The following CNTN4 variants were observed in gnomAD, a reference collection of about 807,000 sequenced individuals.
The protein encoded by CNTN4 is contactin 4.
In CNTN4, 77 loss-of-function variants were observed where a neutral mutation model predicts 122.5. The observed-to-expected ratio is 0.63, with a 90% CI of 0.52 to 0.76. CNTN4 has a LOEUF of 0.76. CNTN4 is among the 30% of genes least tolerant of loss of function. CNTN4 has a pLI of 0.00. For synonymous variants in CNTN4, 512 were observed against 447.0 expected (o/e 1.15, Z -1.83); for missense variants, 1,256 against 1,259.1 (o/e 1.00, Z 0.04).
chr3:2,675,558 A>C (rs950567432), intron 4 of CNTN4, among the ~76,000 whole-genome samples: 6 of 152,166 alleles, frequency 3.9e-5, no homozygotes, highest in African/African-American at 1.2e-4. Flanking sequence ...CCACCTTCCC[A>C]AGAATGAAAG....
intron 14 of CNTN4, among the ~76,000 whole-genome samples, chr3:3,007,230 T>G (rs958157256): frequency 6.6e-6 from 1 of 152,238 alleles, no homozygotes; most frequent in Non-Finnish European, 1.5e-5. Context: ...TGTTGTGTAC[T>G]AGGTATTTGA....
intron 4 of CNTN4, among the ~76,000 whole-genome samples, chr3:2,606,298 C>T (rs2081257356): frequency 6.6e-6 from 1 of 151,870 alleles, no homozygotes. Flanking sequence ...TTGTCTTTGA[C>T]ACAGGGAGGA....
chr3:2,194,750 T>C (rs1217389997), intron 2 of CNTN4, among the ~76,000 whole-genome samples: 2 of 152,096 alleles, frequency 1.3e-5, no homozygotes, highest in Non-Finnish European at 2.9e-5. Flanking sequence ...GAGGCAGATA[T>C]TGGAGTTATG....
intron 2 of CNTN4, among the ~76,000 whole-genome samples, chr3:2,315,682 T>A (rs2043073695): frequency 6.6e-6 from 1 of 152,002 alleles, no homozygotes; most frequent in Non-Finnish European, 1.5e-5. Flanking sequence ...CTAGATAAAT[T>A]TATGCGTCCT....
intron 3 of CNTN4, among the ~76,000 whole-genome samples, chr3:2,383,628 C>G (rs1232468530): frequency 1.3e-5 from 2 of 151,196 alleles, no homozygotes; most frequent in African/African-American, 4.9e-5. Flanking sequence ...TCCCTCTCTC[C>G]CCCTCTCCCT....
intron 13 of CNTN4, among the ~76,000 whole-genome samples, chr3:2,931,873 C>A (rs1319192381): frequency 6.6e-6 from 1 of 152,104 alleles, no homozygotes; most frequent in African/African-American, 2.4e-5. Flanking sequence ...GTCTTGAATT[C>A]CTGGCCTTAA....
intron 6 of CNTN4, among the ~76,000 whole-genome samples, chr3:2,776,425 A>T (rs974480177): frequency 2.0e-5 from 3 of 152,082 alleles, no homozygotes; most frequent in African/African-American, 7.2e-5. Context: ...TCTCAGGGCC[A>T]TCTCCTCTGA....
At chr3:2,755,905 A>T (rs1345514080) in intron 6 of CNTN4, among the ~76,000 whole-genome samples, 1 of 152,234 alleles carries the variant, frequency 6.6e-6, no homozygotes, top group Non-Finnish European at 1.5e-5. Flanking sequence ...GTACTAAAAT[A>T]TCACTCCTTT....
At chr3:2,150,998 G>A (rs1276216978) in intron 2 of CNTN4, among the ~76,000 whole-genome samples, 2 of 152,170 alleles carry the variant, frequency 1.3e-5, no homozygotes, top group African/African-American at 4.8e-5. Context: ...ATACAGGGAT[G>A]AGCAAAATGG....
chr3:2,504,052 A>G (rs1037670243), intron 3 of CNTN4, among the ~76,000 whole-genome samples: 1 of 152,086 alleles, frequency 6.6e-6, no homozygotes, highest in African/African-American at 2.4e-5. Flanking sequence ...AAATGCTAGA[A>G]CAAAATAGAA....
chr3:2,458,531 C>A (rs1449682985), intron 3 of CNTN4, among the ~76,000 whole-genome samples: 1 of 152,080 alleles, frequency 6.6e-6, no homozygotes, highest in Non-Finnish European at 1.5e-5. Flanking sequence ...TCTATTTATT[C>A]CCTCTTATGA....
chr3:2,370,094 G>GA (rs898634727), intron 3 of CNTN4, among the ~76,000 whole-genome samples: 1 of 152,058 alleles, frequency 6.6e-6, no homozygotes, highest in African/African-American at 2.4e-5. Context: ...AAAATTTGGG[G>GA]AAAAAATATT....
intron 3 of CNTN4, among the ~76,000 whole-genome samples, chr3:2,503,843 G>C (rs1040849943): frequency 2.0e-5 from 3 of 152,004 alleles, no homozygotes; most frequent in African/African-American, 7.2e-5. Context: ...TTGAGCAAAG[G>C]AGGTTACTGG....
chr3:2,383,579 C>G (rs574000667), intron 3 of CNTN4, among the ~76,000 whole-genome samples: 37 of 152,150 alleles, frequency 2.4e-4, no homozygotes, highest in Middle Eastern at 3.4e-3. Context: ...ATAAATGTAA[C>G]GACAGCACTA....
At position 2,705,293 on chromosome 3, in the gene CNTN4, A is replaced by G. The variant is rs1175914205; in HGVS notation, c.56-30922A>G. Among the ~76,000 whole-genome samples the G allele has an allele frequency of 1.1e-4, 16 of 146,120 alleles. No individual in the cohort carries two copies. The East Asian group carries it at 2.1e-3, about 19-fold the overall frequency. On this transcript the variant is annotated intron_variant, in intron 4 of 24. Coordinates refer to ENST00000418658, the MANE Select transcript of CNTN4 (RefSeq NM_175607.3). ...TGAGGCAGGAGAATGGCGGGAACCT[A>G]GGAGGCAGAGCTTGCAGTGAGCCGA... is the stretch of plus-strand genomic sequence containing the variant.
chr3:2,707,953 A>G (rs2086842399), intron 4 of CNTN4, among the ~76,000 whole-genome samples: 1 of 152,218 alleles, frequency 6.6e-6, no homozygotes, highest in African/African-American at 2.4e-5. Flanking sequence ...AAATTATAAT[A>G]TGTTACTATT....
intron 6 of CNTN4, among the ~76,000 whole-genome samples, chr3:2,794,735 A>G (rs546597792): frequency 1.3e-5 from 2 of 152,202 alleles, no homozygotes; most frequent in South Asian, 4.1e-4. Context: ...GCTTACAAAG[A>G]AAGGAAATAC....
At chr3:2,384,713 C>T (rs1228013494) in intron 3 of CNTN4, among the ~76,000 whole-genome samples, 1 of 152,064 alleles carries the variant, frequency 6.6e-6, no homozygotes, top group South Asian at 2.1e-4. Context: ...GCAGCTCTCA[C>T]ATGTAAATTT....
intron 2 of CNTN4, among the ~76,000 whole-genome samples, chr3:2,114,303 A>G (rs560648466): frequency 2.6e-5 from 4 of 152,160 alleles, no homozygotes; most frequent in East Asian, 1.9e-4. Context: ...AAACAAAAAA[A>G]TACAAAAACT....
Sources: gnomAD v4.1 joint callset for allele counts (sites outside exome capture counted in the v4.1 genomes callset) on GRCh38, gnomAD v4.1.1 for gene constraint, MANE v1.5 for transcripts, NCBI Gene and HGNC (gene_info 2026-07-23, HGNC 2026-07-21) for gene names.